The following PPM1H variants were observed in gnomAD, a reference collection of about 807,000 sequenced individuals.
PPM1H encodes protein phosphatase, Mg2+/Mn2+ dependent 1H.
PPM1H carries 27 observed loss-of-function variants against 54.9 expected under a neutral mutation model. The observed-to-expected ratio is 0.49, with a 90% CI of 0.36 to 0.68. The LOEUF (loss-of-function observed/expected upper bound fraction) is 0.68. PPM1H is among the 30% of genes least tolerant of loss of function. PPM1H has a pLI of 0.00. For missense variants in PPM1H, 596 were observed against 667.8 expected (o/e 0.89, Z 1.19); for synonymous variants, 305 against 270.8 (o/e 1.13, Z -1.24).
intron 2 of PPM1H, among the ~76,000 whole-genome samples, chr12:62,824,298 T>G (rs1373651261): frequency 6.6e-6 from 1 of 152,182 alleles, no homozygotes; most frequent in African/African-American, 2.4e-5. Flanking sequence ...ATAGGAAGAA[T>G]CAATGTTGTG....
chr12:62,832,163 C>A lies in PPM1H; in HGVS notation c.362G>T (p.Arg121Ile). The change falls in exon 2 of 10, where the codon AGA becomes ATA. Residue 121 changes from arginine (R) to isoleucine (I), a missense_variant. Coordinates refer to ENST00000228705, the MANE Select transcript of PPM1H (RefSeq NM_020700.2). ...TTCCCCATTGGGAAGGGAGGACCGT[C>A]TCTTGGATGAGTTCCTGTTTGGGGT... is the stretch of plus-strand genomic sequence containing the variant. ...TSTPNRNSSK[R>I]RSSLPNGEGL... 1 of 1,613,954 alleles carries A rather than the reference C, an allele frequency of 6.2e-7. No individual in the cohort carries two copies. The highest frequency in any genetic ancestry group is 8.5e-7 in the Non-Finnish European group (1 of 1,179,878).
chr12:62,832,275 T>C lies in PPM1H; in HGVS notation c.250A>G (p.Ile84Val). ...TTGTGTGTGCTCTTCCCGGCATTGA[T>C]AACCCTGGAGAAGAAGCCGGAAAAG... is the stretch of plus-strand genomic sequence containing the variant. ...LPWATGYAEV[I>V]NAGKSTHNED... The change falls in exon 2 of 10, where the codon ATC (isoleucine) becomes GTC (valine). Residue 84 changes from isoleucine (I) to valine (V), a missense_variant. By Grantham distance (29) the Ile-to-Val change is conservative (BLOSUM62 3). Coordinates refer to ENST00000228705, the MANE Select transcript of PPM1H (RefSeq NM_020700.2). 4 of 1,610,234 alleles carry C rather than the reference T, an allele frequency of 2.5e-6. No homozygotes were observed. The highest frequency in any genetic ancestry group is 3.4e-6 in the Non-Finnish European group (4 of 1,178,186).
intron 2 of PPM1H, among the ~76,000 whole-genome samples, chr12:62,828,260 T>C (rs1056805244): frequency 1.3e-5 from 2 of 152,212 alleles, no homozygotes; most frequent in Non-Finnish European, 1.5e-5. Flanking sequence ...TGACCTTCAA[T>C]GTCCTTCCCG....
intron 1 of PPM1H, among the ~76,000 whole-genome samples, chr12:62,884,535 G>A (rs1870516790): frequency 2.0e-5 from 3 of 146,480 alleles, no homozygotes; most frequent in African/African-American, 5.2e-5. Flanking sequence ...AAGAAAGAGA[G>A]AAAAGAAAAA....
intron 6 of PPM1H, among the ~76,000 whole-genome samples, chr12:62,709,193 G>GCA (rs1592555647): frequency 1.3e-5 from 2 of 152,104 alleles, no homozygotes; most frequent in East Asian, 3.9e-4. Context: ...CAATATAACT[G>GCA]CACACGAAGG....
intron 2 of PPM1H, among the ~76,000 whole-genome samples, chr12:62,831,770 TAC>T (rs1460425058): frequency 6.7e-6 from 1 of 149,790 alleles, no homozygotes; most frequent in Non-Finnish European, 1.5e-5. Context: ...TATATATATA[TAC>T]ACACATATAT....
chr12:62,671,975 T>A (rs2075959081), intron 8 of PPM1H, among the ~76,000 whole-genome samples: 1 of 152,256 alleles, frequency 6.6e-6, no homozygotes, highest in Non-Finnish European at 1.5e-5. Flanking sequence ...GAAACTGTAA[T>A]CATCGATTTA....
chr12:62,670,449 G>T (rs544828936), intron 8 of PPM1H, among the ~76,000 whole-genome samples: 3 of 152,268 alleles, frequency 2.0e-5, no homozygotes, highest in African/African-American at 7.2e-5. Flanking sequence ...AAAAGAGAGG[G>T]TTCAGGTCTG....
In PPM1H at chr12:62,802,128, C is replaced by T. The variant is rs1297859910; in HGVS notation, c.444G>A (p.Ser148=). The T allele has an allele frequency of 3.8e-6, 6 of 1,583,512 alleles. No homozygotes were observed. The highest frequency in any genetic ancestry group is 1.7e-4 in the Middle Eastern group (1 of 5,908). Residue 148 remains serine, a synonymous_variant, in exon 3 of 10, where the codon TCG becomes TCA. Coordinates refer to ENST00000228705, the MANE Select transcript of PPM1H (RefSeq NM_020700.2). The stretch of plus-strand genomic sequence containing the variant: ...CGGACCCCGCGTGCCCGTCAAACAG[C>T]GACCAATAGTGGCAGGAAACACCCT... ...ESEGVSCHYW[S]LFDGHAGSGA... is the part of the protein sequence containing the mutation.
chr12:62,715,720 A>G (rs538961677), intron 6 of PPM1H, among the ~76,000 whole-genome samples: 1 of 152,250 alleles, frequency 6.6e-6, no homozygotes, highest in Non-Finnish European at 1.5e-5. Flanking sequence ...CTCTAATGAG[A>G]GCAGGCAATT....
intron 4 of PPM1H, among the ~76,000 whole-genome samples, chr12:62,780,402 G>A (rs2076634983): frequency 6.6e-6 from 1 of 152,170 alleles, no homozygotes; most frequent in Admixed American, 6.5e-5. Context: ...CCAAGCTCAA[G>A]TGGTCCTCCT....
intron 1 of PPM1H, among the ~76,000 whole-genome samples, chr12:62,874,499 T>C (rs998155678): frequency 1.1e-5 from 1 of 90,718 alleles, no homozygotes; most frequent in Admixed American, 9.5e-5. Context: ...CCAGCTACCA[T>C]TTTTTTTTTT....
chr12:62,697,768 ATTT>A (rs564836651), intron 6 of PPM1H, among the ~76,000 whole-genome samples: 327 of 152,218 alleles, frequency 2.1e-3, no homozygotes, highest in African/African-American at 7.6e-3. Context: ...TCCTAATTAA[ATTT>A]TTAAGAACTA....
intron 4 of PPM1H, among the ~76,000 whole-genome samples, chr12:62,786,935 G>GTA (rs941554827): frequency 2.8e-4 from 42 of 152,188 alleles, no homozygotes; most frequent in East Asian, 7.7e-4. Context: ...GTTGTAAAAT[G>GTA]TATATATATA....
At position 62,797,586 on chromosome 12, in the gene PPM1H, C is replaced by T. The variant is rs144895446; in HGVS notation, c.756+4230G>A. Among the ~76,000 whole-genome samples, 471 of 152,226 alleles carry T rather than the reference C, an allele frequency of 3.1e-3. 2 individuals carry two copies. The highest frequency in any genetic ancestry group is 0.015 in the South Asian group (70 of 4,808). ...ACTGTCCTCGGGTTGCCTGGCACAC[C>T]GTGGCGCTTGTGGGCATTTCAAAAA... On this transcript the variant is annotated intron_variant, in intron 3 of 9. Coordinates refer to ENST00000228705, the MANE Select transcript of PPM1H (RefSeq NM_020700.2).
chr12:62,767,214 A>G (rs1355053403), intron 4 of PPM1H, among the ~76,000 whole-genome samples: 1 of 152,056 alleles, frequency 6.6e-6, no homozygotes, highest in African/African-American at 2.4e-5. Context: ...TCGGGATGTG[A>G]GTGGATGCTG....
rs536941011 is a variant in PPM1H at position 62,778,992 on chromosome 12, GAAGA to G, written c.869+9230_869+9233del. Reference sequence around the variant, plus strand: ...AAGAAAGGGAAGGAAAGGAAGGAAGGAAGAAAGAAAAAGAAAGAAAGACATAATA... The same window carrying G: ...AAGAAAGGGAAGGAAAGGAAGGAAGGAAGAAAAAGAAAGAAAGACATAATA... On this transcript the variant is annotated intron_variant, in intron 4 of 9. Transcript: ENST00000228705. 4.0e-3 allele frequency among the ~76,000 whole-genome samples: 597 copies of G among 150,362 alleles called. 6 individuals carry two copies. Among genetic ancestry groups the G allele is most frequent in the Middle Eastern group, 0.014 (4 of 288 alleles).
chr12:62,788,154 A>C (rs1448233579), intron 4 of PPM1H, 72 bp downstream of exon 4: 6 of 1,033,690 alleles, frequency 5.8e-6, no homozygotes, highest in Non-Finnish European at 8.7e-6. Flanking sequence ...CTAATCATTT[A>C]ATTTTTGAGA....
chr12:62,915,261 A>T lies in PPM1H; in HGVS notation c.245+19231T>A, dbSNP rs74654011. ...TCTCAGGACAAAAGAAACTTGGCTT[A>T]GGGTTTCAGTGGCTCTTTATTTCTT... On this transcript the variant is annotated intron_variant, in intron 1 of 9. Coordinates refer to ENST00000228705, the MANE Select transcript of PPM1H (RefSeq NM_020700.2). Among the ~76,000 whole-genome samples, 335 of 152,326 alleles carry T rather than the reference A, an allele frequency of 2.2e-3. 2 individuals are homozygous for T. The highest frequency in any genetic ancestry group is 7.5e-3 in the African/African-American group (313 of 41,576).
Sources: allele counts gnomAD v4.1 joint callset (sites outside exome capture counted in the v4.1 genomes callset), GRCh38; gene constraint gnomAD v4.1.1; transcripts MANE v1.5; gene names NCBI Gene and HGNC (gene_info 2026-07-23, HGNC 2026-07-21).